YBEY: variants seen among roughly 807,000 people sequenced by gnomAD.
YBEY encodes ybeY metalloendoribonuclease.
Under a neutral mutation model 13.5 loss-of-function variants are expected in YBEY, and 15 were observed. The ratio of observed to expected loss-of-function variants is 1.11; its 90% confidence interval spans 0.75 to 1.72. The LOEUF is 1.72. Among genes scored for constraint, YBEY ranks in the 40% most tolerant of loss-of-function variants. The pLI is 0.00. For missense variants in YBEY, 244 were observed against 208.4 expected, an observed-to-expected ratio of 1.17 and a Z score of -1.05; for synonymous variants, 101 against 83.1, an observed-to-expected ratio of 1.21 and a Z score of -1.17.
chr21:46,296,639 C>G (rs2081962623), intron 4 of YBEY, among the ~76,000 whole-genome samples: 1 of 152,158 alleles, frequency 6.6e-6, no homozygotes, highest in African/African-American at 2.4e-5. Flanking sequence ...AACACGCACG[C>G]AAGCCCGTGT....
chr21:46,298,116 G>T (rs1322054961), downstream of YBEY, among the ~76,000 whole-genome samples: 2 of 152,264 alleles, frequency 1.3e-5, no homozygotes, highest in African/African-American at 4.8e-5. Flanking sequence ...CACGGACACC[G>T]CTCTAGCCAG....
downstream of YBEY, among the ~76,000 whole-genome samples, chr21:46,298,544 T>C (rs1041467285): frequency 1.8e-4 from 27 of 150,122 alleles, no homozygotes; most frequent in East Asian, 5.9e-4. Context: ...ATTCTCCTGC[T>C]TCATCCTCCC....
chr21:46,297,426 G>A (rs1033976963), intron 4 of YBEY, 113 bp from the exon 5 acceptor site: 3 of 1,046,832 alleles, frequency 2.9e-6, no homozygotes, highest in Non-Finnish European at 3.7e-6. Flanking sequence ...AGAGCCGCGC[G>A]GGCGGCCGGC....
chr21:46,308,210 C>T, the YBEY span, among the ~76,000 whole-genome samples: 1 of 152,084 alleles, frequency 6.6e-6, no homozygotes, highest in Admixed American at 6.6e-5. Flanking sequence ...CGCCCATAAT[C>T]CCAGCACTTT....
the YBEY span, among the ~76,000 whole-genome samples, chr21:46,309,251 A>G: frequency 6.6e-6 from 1 of 152,120 alleles, no homozygotes; most frequent in African/African-American, 2.4e-5. Context: ...ATCTGAGGTC[A>G]GGAATTTGAT....
chr21:46,287,676 C>A (rs545654258), intron 2 of YBEY, among the ~76,000 whole-genome samples: 1 of 152,212 alleles, frequency 6.6e-6, no homozygotes, highest in African/African-American at 2.4e-5. Flanking sequence ...TCTACAATTA[C>A]ACTGGTAACC....
downstream of YBEY, chr21:46,302,247 G>C: frequency 7.0e-7 from 1 of 1,431,926 alleles, no homozygotes; most frequent in Non-Finnish European, 9.1e-7. Flanking sequence ...GATCCCATGT[G>C]ATAGGCAGGA....
chr21:46,291,390 A>T lies in YBEY; in HGVS notation c.267A>T (p.Gly89=), dbSNP rs1212664973. The T allele has an allele frequency of 2.5e-6, 4 of 1,614,000 alleles. No individual in the cohort carries two copies. The highest frequency in any genetic ancestry group is 3.4e-6 in the Non-Finnish European group (4 of 1,180,018). Reference sequence around the variant, plus strand: ...ATTTTCCAGATGACTACAATTTGGGAGACATTTTCCTAGGAGTGGAGTATA... The same window carrying T: ...ATTTTCCAGATGACTACAATTTGGGTGACATTTTCCTAGGAGTGGAGTATA... ...QPDFPDDYNL[G]DIFLGVEYIF... Residue 89 remains glycine, a synonymous_variant, in exon 3 of 5, where the codon GGA becomes GGT. Coordinates refer to ENST00000397701, the MANE Select transcript of YBEY (RefSeq NM_001314025.2).
chr21:46,305,810 C>T, the YBEY span, among the ~76,000 whole-genome samples: 18 of 151,848 alleles, frequency 1.2e-4, no homozygotes, highest in Non-Finnish European at 2.5e-4. Flanking sequence ...GGCCTGGTGG[C>T]GGGCACATGT....
the YBEY span, among the ~76,000 whole-genome samples, chr21:46,305,314 ATCAC>A: frequency 7.4e-5 from 11 of 149,330 alleles, no homozygotes; most frequent in Non-Finnish European, 1.0e-4. Context: ...TTTTTTTTTA[ATCAC>A]AAATTAATCT....
At chr21:46,300,567 G>A (rs184847845), downstream of YBEY, 8,487 of 1,002,310 alleles carry the variant, frequency 8.5e-3, 49 homozygotes, top group Non-Finnish European at 9.7e-3. Flanking sequence ...CAAGAGGCAC[G>A]AAAAGATGGT....
At chr21:46,287,340 C>T (rs1459053222) in intron 2 of YBEY, among the ~76,000 whole-genome samples, 2 of 152,078 alleles carry the variant, frequency 1.3e-5, no homozygotes, top group South Asian at 4.1e-4. Context: ...ACCACAGATG[C>T]TGGCCACCAC....
chr21:46,299,800 T>C (rs1480474580), downstream of YBEY, among the ~76,000 whole-genome samples: 1 of 150,268 alleles, frequency 6.7e-6, no homozygotes, highest in Non-Finnish European at 1.5e-5. Flanking sequence ...CCCCCACTCC[T>C]AACTACCAGG....
At chr21:46,302,216 C>T (rs918626007), downstream of YBEY, 3 of 1,434,538 alleles carry the variant, frequency 2.1e-6, no homozygotes, top group African/African-American at 4.3e-5. Context: ...TCCACTCCCG[C>T]CCTGTTCCTA....
downstream of YBEY, chr21:46,300,829 C>A: frequency 8.0e-7 from 1 of 1,242,902 alleles, no homozygotes; most frequent in Non-Finnish European, 1.0e-6. Context: ...ATGTATACTA[C>A]TTAAAAATAT....
the YBEY span, among the ~76,000 whole-genome samples, chr21:46,312,036 T>TACCCAACCAACCAACC: frequency 3.7e-5 from 1 of 27,336 alleles, no homozygotes; most frequent in Non-Finnish European, 7.2e-5. Context: ...CCCATCCACC[T>TACCCAACCAACCAACC]ACCCAACCAA....
chr21:46,288,479 C>T (rs2081557590), intron 2 of YBEY, among the ~76,000 whole-genome samples: 1 of 151,784 alleles, frequency 6.6e-6, no homozygotes, highest in Admixed American at 6.6e-5. Context: ...AATTCAAGAC[C>T]ATCCTGGCCA....
At chr21:46,305,867 G>C in the YBEY span, among the ~76,000 whole-genome samples, 1 of 152,136 alleles carries the variant, frequency 6.6e-6, no homozygotes, top group South Asian at 2.1e-4. Context: ...GCGTGAACCT[G>C]GGGGGCAGAG....
At chr21:46,301,643 G>A (rs190655683), downstream of YBEY, 491 of 1,084,258 alleles carry the variant, frequency 4.5e-4, 1 homozygote, top group East Asian at 9.7e-4. Context: ...GGCTGGTGGC[G>A]TCCACGGCCT....
Sources: gnomAD v4.1 joint callset for allele counts (sites outside exome capture counted in the v4.1 genomes callset) on GRCh38, gnomAD v4.1.1 for gene constraint, MANE v1.5 for transcripts, NCBI Gene and HGNC (gene_info 2026-07-23, HGNC 2026-07-21) for gene names.